The following ROR1 variants were observed in gnomAD, a reference collection of about 807,000 sequenced individuals.
ROR1 encodes inactive tyrosine-protein kinase transmembrane receptor ROR1.
In ROR1, 19 loss-of-function variants were observed where a neutral mutation model predicts 78.8. The ratio of observed to expected loss-of-function variants is 0.24; its 90% CI spans 0.17 to 0.35. The LOEUF is 0.35. Ranked by LOEUF, ROR1 falls within the 10% of genes least tolerant of loss-of-function variation. ROR1 has a pLI of 1.00. For missense variants in ROR1, 917 were observed against 1,177.8 expected, an observed-to-expected ratio of 0.78 and a Z score of 3.24; for synonymous variants, 386 against 433.6, an observed-to-expected ratio of 0.89 and a Z score of 1.36.
intron 4 of ROR1, among the ~76,000 whole-genome samples, chr1:64,090,478 G>A (rs992117033): frequency 6.6e-6 from 1 of 152,146 alleles, no homozygotes; most frequent in African/African-American, 2.4e-5. Context: ...ACCTTCAATT[G>A]CTGTCAAGTG....
At chr1:63,835,341 A>AC (rs1645013653) in intron 1 of ROR1, among the ~76,000 whole-genome samples, 1 of 152,084 alleles carries the variant, frequency 6.6e-6, no homozygotes, top group Non-Finnish European at 1.5e-5. Context: ...ATCCACACAC[A>AC]CCTTACCAAT....
intron 1 of ROR1, among the ~76,000 whole-genome samples, chr1:63,823,026 TA>T (rs368537325): frequency 0.024 from 3,573 of 149,286 alleles, 134 homozygotes; most frequent in African/African-American, 0.083. Context: ...TATTGTCATT[TA>T]AAAAAAAAAC....
At chr1:63,830,812 G>T (rs1017776344) in intron 1 of ROR1, among the ~76,000 whole-genome samples, 29 of 152,120 alleles carry the variant, frequency 1.9e-4, no homozygotes, top group Non-Finnish European at 8.8e-5. Context: ...CTGAGACAAG[G>T]CAAGTTCTTT....
chr1:63,962,402 C>A (rs1015919756), intron 1 of ROR1, among the ~76,000 whole-genome samples: 1 of 152,140 alleles, frequency 6.6e-6, no homozygotes, highest in Non-Finnish European at 1.5e-5. Flanking sequence ...ACTGAGAATA[C>A]GGAGATGAAA....
chr1:64,158,944 G>T (rs1649853853), intron 7 of ROR1, 37 bp from the exon 8 acceptor site: 1 of 1,466,206 alleles, frequency 6.8e-7, no homozygotes, highest in South Asian at 1.1e-5. Flanking sequence ...TTACTTTAAA[G>T]AGTATAACTT....
chr1:63,984,007 C>A (rs931835236), intron 1 of ROR1, among the ~76,000 whole-genome samples: 2 of 152,176 alleles, frequency 1.3e-5, no homozygotes, highest in African/African-American at 4.8e-5. Flanking sequence ...CCTTTCTAAA[C>A]ACACCTCGAC....
At chr1:63,874,254 T>C (rs1316930400) in intron 1 of ROR1, among the ~76,000 whole-genome samples, 4 of 152,190 alleles carry the variant, frequency 2.6e-5, no homozygotes, top group Non-Finnish European at 1.5e-5. Context: ...CAAAGTGTGG[T>C]ATGTTTCACT....
At chr1:64,089,269 G>C (rs1647176863) in intron 4 of ROR1, among the ~76,000 whole-genome samples, 1 of 151,900 alleles carries the variant, frequency 6.6e-6, no homozygotes, top group Non-Finnish European at 1.5e-5. Context: ...GAGTGTAGTG[G>C]CATAATCATG....
At chr1:64,114,879 G>A (rs1648254303) in intron 4 of ROR1, among the ~76,000 whole-genome samples, 3 of 152,184 alleles carry the variant, frequency 2.0e-5, no homozygotes, top group African/African-American at 7.2e-5. Flanking sequence ...AACTGGAATA[G>A]TCAGTTAACA....
intron 2 of ROR1, among the ~76,000 whole-genome samples, chr1:64,013,712 A>ATTC (rs1646495499): frequency 6.6e-6 from 1 of 152,210 alleles, no homozygotes; most frequent in Admixed American, 6.5e-5. Flanking sequence ...TTTGACCATG[A>ATTC]CATCAACAGT....
chr1:64,009,425 G>A (rs1362862918), intron 2 of ROR1, 49 bp downstream of exon 2: 1 of 1,406,664 alleles, frequency 7.1e-7, no homozygotes, highest in Admixed American at 1.7e-5. Flanking sequence ...GTGTGGAACT[G>A]TTTTTAATCC....
At chr1:64,037,849 G>A (rs1390721106) in intron 2 of ROR1, among the ~76,000 whole-genome samples, 1 of 152,010 alleles carries the variant, frequency 6.6e-6, no homozygotes, top group Non-Finnish European at 1.5e-5. Flanking sequence ...ACCAAGGGTG[G>A]CATCTGGTTT....
chr1:63,808,577 C>T (rs907019455), intron 1 of ROR1, among the ~76,000 whole-genome samples: 1 of 152,114 alleles, frequency 6.6e-6, no homozygotes, highest in Admixed American at 6.5e-5. Context: ...TCTGCCTTCC[C>T]TTATTATTGA....
At chr1:63,854,980 TA>T (rs1645139532) in intron 1 of ROR1, among the ~76,000 whole-genome samples, 1 of 152,046 alleles carries the variant, frequency 6.6e-6, no homozygotes, top group Non-Finnish European at 1.5e-5. Flanking sequence ...TTAAAATTTG[TA>T]TTATTTATTA....
intron 1 of ROR1, among the ~76,000 whole-genome samples, chr1:63,869,293 A>AT (rs1364704793): frequency 2.6e-5 from 4 of 152,200 alleles, no homozygotes; most frequent in Admixed American, 2.6e-4. Flanking sequence ...ATAATCCAGA[A>AT]TTTAAATTGG....
chr1:64,073,940 A>G (rs565728540), intron 4 of ROR1, among the ~76,000 whole-genome samples: 114 of 152,344 alleles, frequency 7.5e-4, no homozygotes, highest in African/African-American at 2.7e-3. Context: ...GATGAGGTTA[A>G]TAAGACCTCT....
intron 4 of ROR1, among the ~76,000 whole-genome samples, chr1:64,060,037 T>A (rs1269238254): frequency 6.6e-6 from 1 of 152,174 alleles, no homozygotes; most frequent in Non-Finnish European, 1.5e-5. Flanking sequence ...TCACCTATCT[T>A]ATGACATATG....
chr1:64,055,657 T>C (rs1311035196), intron 4 of ROR1, among the ~76,000 whole-genome samples: 1 of 152,230 alleles, frequency 6.6e-6, no homozygotes, highest in African/African-American at 2.4e-5. Flanking sequence ...TCCCTGTGTA[T>C]TTTTTGTATG....
chr1:64,016,733 T>TTATATATATATATATATA (rs58622476), intron 2 of ROR1, among the ~76,000 whole-genome samples: 18,302 of 139,628 alleles, frequency 0.13, 1,608 homozygotes, highest in Non-Finnish European at 0.19. Context: ...TAAAATATAA[T>TTATATATATATATATATA]TATATATATA....
Sources: gnomAD v4.1 joint callset for allele counts (sites outside exome capture counted in the v4.1 genomes callset) on GRCh38, gnomAD v4.1.1 for gene constraint, MANE v1.5 for transcripts, NCBI Gene and HGNC (gene_info 2026-07-23, HGNC 2026-07-21) for gene names.